Variants in ERC2 observed in about 807,000 individuals in gnomAD.
The protein encoded by ERC2 is ERC protein 2.
ERC2 carries 42 observed loss-of-function variants against 114.8 expected under a neutral mutation model. The ratio of observed to expected loss-of-function variants is 0.37; its 90% CI spans 0.29 to 0.47. ERC2 has a LOEUF of 0.47. Among genes scored for constraint, ERC2 ranks in the 20% least tolerant of loss-of-function variants. The probability of loss-of-function intolerance (pLI) is 0.99; values close to 1 mark genes in which losing one functional copy is unlikely to be tolerated. For synonymous variants in ERC2, 454 were observed against 425.5 expected (o/e 1.07, Z -0.82); for missense variants, 939 against 1,150.7 (o/e 0.82, Z 2.66).
At chr3:55,640,240 C>A (rs78413815) in intron 17 of ERC2, among the ~76,000 whole-genome samples, 3,148 of 152,296 alleles carry the variant, frequency 0.021, 44 homozygotes, top group Middle Eastern at 0.068. Flanking sequence ...CTGTCTTTGT[C>A]AAGGAATGAG....
chr3:56,434,303 T>C, intron 2 of ERC2, 48 bp downstream of exon 2: 1 of 1,564,776 alleles, frequency 6.4e-7, no homozygotes, highest in Non-Finnish European at 8.7e-7. Flanking sequence ...CATCAACTAC[T>C]CAGTGAGAAG....
At chr3:56,419,697 A>G (rs1470796825) in intron 2 of ERC2, among the ~76,000 whole-genome samples, 1 of 152,242 alleles carries the variant, frequency 6.6e-6, no homozygotes, top group Non-Finnish European at 1.5e-5. Context: ...CACATGTGCA[A>G]TATTTTATGA....
At chr3:55,850,178 C>A (rs1282368703) in intron 14 of ERC2, among the ~76,000 whole-genome samples, 1 of 152,180 alleles carries the variant, frequency 6.6e-6, no homozygotes, top group Non-Finnish European at 1.5e-5. Context: ...TTCTTCTTTT[C>A]TGTCTCATAA....
At chr3:55,893,040 T>C (rs1251927643) in intron 13 of ERC2, among the ~76,000 whole-genome samples, 1 of 152,178 alleles carries the variant, frequency 6.6e-6, no homozygotes, top group Middle Eastern at 3.2e-3. Flanking sequence ...GGAGTCTGTA[T>C]GTCCCCTTTC....
intron 17 of ERC2, among the ~76,000 whole-genome samples, chr3:55,673,950 G>C (rs2148745420): frequency 6.6e-6 from 1 of 152,016 alleles, no homozygotes; most frequent in Non-Finnish European, 1.5e-5. Flanking sequence ...ATCACACGCT[G>C]ACTCAGGGCA....
At chr3:56,182,333 A>G (rs1469502648) in intron 3 of ERC2, among the ~76,000 whole-genome samples, 1 of 152,194 alleles carries the variant, frequency 6.6e-6, no homozygotes, top group Non-Finnish European at 1.5e-5. Context: ...TAATTAACAC[A>G]GTGCCTGCCA....
intron 2 of ERC2, among the ~76,000 whole-genome samples, chr3:56,428,026 G>A (rs1024679846): frequency 4.2e-4 from 64 of 152,260 alleles, no homozygotes; most frequent in African/African-American, 1.5e-3. Flanking sequence ...TGGCTTTGAA[G>A]GATCCATGGT....
chr3:56,039,420 A>G (rs1032255825), intron 7 of ERC2, among the ~76,000 whole-genome samples: 1 of 152,210 alleles, frequency 6.6e-6, no homozygotes, highest in African/African-American at 2.4e-5. Context: ...GACAATAAAT[A>G]TAACAGGAAT....
intron 12 of ERC2, among the ~76,000 whole-genome samples, chr3:55,970,883 C>A (rs2069108083): frequency 6.6e-6 from 1 of 152,090 alleles, no homozygotes; most frequent in East Asian, 1.9e-4. Context: ...CAACAACTTG[C>A]ACATGAATGT....
intron 7 of ERC2, among the ~76,000 whole-genome samples, chr3:56,039,246 A>G (rs1236658730): frequency 6.6e-6 from 1 of 152,196 alleles, no homozygotes; most frequent in East Asian, 1.9e-4. Flanking sequence ...AAAAAAGGAA[A>G]ACCCTAAAGA....
At chr3:55,867,933 C>A (rs1186548462) in intron 14 of ERC2, among the ~76,000 whole-genome samples, 1 of 152,030 alleles carries the variant, frequency 6.6e-6, no homozygotes, top group Non-Finnish European at 1.5e-5. Flanking sequence ...CTTGGATAAT[C>A]ATAAAACAAT....
chr3:55,638,531 C>T (rs1396123960), intron 17 of ERC2, among the ~76,000 whole-genome samples: 1 of 152,082 alleles, frequency 6.6e-6, no homozygotes, highest in African/African-American at 2.4e-5. Context: ...ATTATTATTA[C>T]CTTCAATTAA....
chr3:55,582,765 T>C (rs2057324520), intron 17 of ERC2, among the ~76,000 whole-genome samples: 3 of 152,214 alleles, frequency 2.0e-5, no homozygotes, highest in Admixed American at 2.0e-4. Context: ...TAGCCTGAGT[T>C]CAAATCCTGA....
intron 2 of ERC2, among the ~76,000 whole-genome samples, chr3:56,366,518 A>T (rs2059156443): frequency 6.6e-6 from 1 of 152,176 alleles, no homozygotes; most frequent in Non-Finnish European, 1.5e-5. Flanking sequence ...GGTCTGTGAC[A>T]ACGTGGTAAG....
At chr3:55,809,362 A>G (rs71309928) in intron 14 of ERC2, among the ~76,000 whole-genome samples, 2 of 152,162 alleles carry the variant, frequency 1.3e-5, no homozygotes, top group African/African-American at 4.8e-5. Context: ...AACACAGGCA[A>G]CAAAAACAAA....
At chr3:55,749,395 G>A (rs2148961728) in intron 14 of ERC2, among the ~76,000 whole-genome samples, 1 of 152,330 alleles carries the variant, frequency 6.6e-6, no homozygotes, top group South Asian at 2.1e-4. Flanking sequence ...CAGGGGTCAA[G>A]GAAGAATGGG....
rs149264760 is a variant in ERC2, at chr3:55,770,998, G to A, written c.2565-36080C>T. 7.3e-3 allele frequency among the ~76,000 whole-genome samples: 1,113 copies of A among 152,290 alleles called. 14 individuals are homozygous for A. The highest frequency in any genetic ancestry group is 0.026 in the African/African-American group (1,060 of 41,562). ...ACTCATTGTTTTTTATGGCTGTATAGCATTCTATGGTGTATATGTGCCACA... is the reference window on the plus strand; with the variant it reads ...ACTCATTGTTTTTTATGGCTGTATAACATTCTATGGTGTATATGTGCCACA... On this transcript the variant is annotated intron_variant, in intron 14 of 17. Transcript: ENST00000288221.
chr3:56,301,240 A>G (rs1324360477), intron 2 of ERC2, among the ~76,000 whole-genome samples: 1 of 152,248 alleles, frequency 6.6e-6, no homozygotes, highest in Non-Finnish European at 1.5e-5. Flanking sequence ...TGATGAAGCA[A>G]TCTCATAATC....
At chr3:55,542,143 G>A (rs2054438302) in intron 17 of ERC2, among the ~76,000 whole-genome samples, 1 of 152,166 alleles carries the variant, frequency 6.6e-6, no homozygotes, top group South Asian at 2.1e-4. Flanking sequence ...CCAACCAAAT[G>A]TACACAGATA....
Sources: gnomAD v4.1 joint callset for allele counts (sites outside exome capture counted in the v4.1 genomes callset) on GRCh38, gnomAD v4.1.1 for gene constraint, MANE v1.5 for transcripts, NCBI Gene and HGNC (gene_info 2026-07-23, HGNC 2026-07-21) for gene names.